The following ROBO2 variants were observed in gnomAD, a reference collection of about 807,000 sequenced individuals.
The protein encoded by ROBO2 is roundabout homolog 2.
ROBO2 carries 53 observed loss-of-function variants against 160.8 expected under a neutral mutation model. The observed-to-expected ratio is 0.33, with a 90% CI of 0.26 to 0.41. The LOEUF (loss-of-function observed/expected upper bound fraction) is 0.41. Ranked by LOEUF, ROBO2 falls within the 10% of genes least tolerant of loss-of-function variation. The pLI is 1.00. For missense variants in ROBO2, 1,577 were observed against 1,722.4 expected, an observed-to-expected ratio of 0.92 and a Z score of 1.49; for synonymous variants, 664 against 611.7, an observed-to-expected ratio of 1.09 and a Z score of -1.26.
intron 4 of ROBO2, among the ~76,000 whole-genome samples, chr3:77,483,428 A>G (rs2084943986): frequency 6.6e-6 from 1 of 152,008 alleles, no homozygotes; most frequent in Non-Finnish European, 1.5e-5. Context: ...GTGCTCCTAC[A>G]TCTAATACAC....
At chr3:76,724,215 T>A (rs929339823) in intron 2 of ROBO2, among the ~76,000 whole-genome samples, 1 of 152,112 alleles carries the variant, frequency 6.6e-6, no homozygotes, top group African/African-American at 2.4e-5. Flanking sequence ...AATCCCAATA[T>A]CCAACACTGC....
chr3:77,091,971 C>T (rs951456554), intron 1 of ROBO2: 1 of 148,528 alleles, frequency 6.7e-6, no homozygotes, highest in Non-Finnish European at 1.5e-5. Context: ...CAGAGTGAGT[C>T]TCTGACTCAA....
chr3:76,416,541 GT>G (rs2075766444), intron 2 of ROBO2, among the ~76,000 whole-genome samples: 1 of 152,148 alleles, frequency 6.6e-6, no homozygotes, highest in African/African-American at 2.4e-5. Flanking sequence ...AGTAGTTAAT[GT>G]GATAAATTAG....
intron 2 of ROBO2, among the ~76,000 whole-genome samples, chr3:76,206,011 C>T (rs1414992268): frequency 6.6e-6 from 1 of 152,112 alleles, no homozygotes; most frequent in Non-Finnish European, 1.5e-5. Flanking sequence ...AAAAGAATGT[C>T]AAAACAAAGA....
intron 2 of ROBO2, among the ~76,000 whole-genome samples, chr3:76,274,101 A>G (rs1707772876): frequency 6.6e-6 from 1 of 152,216 alleles, no homozygotes. Context: ...GAGGTGTTAC[A>G]TATGTTACAA....
intron 2 of ROBO2, among the ~76,000 whole-genome samples, chr3:77,361,809 T>A (rs1470103510): frequency 1.3e-5 from 2 of 152,152 alleles, no homozygotes; most frequent in Non-Finnish European, 2.9e-5. Context: ...GTATTATCTC[T>A]AAAAATGTGT....
chr3:76,520,226 G>A (rs866091928), intron 2 of ROBO2, among the ~76,000 whole-genome samples: 1 of 152,078 alleles, frequency 6.6e-6, no homozygotes, highest in Non-Finnish European at 1.5e-5. Context: ...CGAGGCAGGC[G>A]GATCACCTGA....
chr3:77,511,259 G>A (rs574675395), intron 5 of ROBO2, among the ~76,000 whole-genome samples: 6 of 151,978 alleles, frequency 3.9e-5, no homozygotes, highest in Admixed American at 1.3e-4. Context: ...TGGGAGAGAC[G>A]GGCACTCAGA....
At chr3:77,297,623 G>A in intron 2 of ROBO2, among the ~76,000 whole-genome samples, 1 of 152,136 alleles carries the variant, frequency 6.6e-6, no homozygotes, top group East Asian at 1.9e-4. Context: ...GTTTTCAAAA[G>A]TCAGTCTCTC....
chr3:75,982,373 A>C (rs900435235), intron 2 of ROBO2, among the ~76,000 whole-genome samples: 1 of 151,624 alleles, frequency 6.6e-6, no homozygotes, highest in African/African-American at 2.4e-5. Context: ...TGGTTGTATA[A>C]ATTTACATTC....
At chr3:76,431,536 C>G (rs2076437280) in intron 2 of ROBO2, among the ~76,000 whole-genome samples, 1 of 151,916 alleles carries the variant, frequency 6.6e-6, no homozygotes, top group Non-Finnish European at 1.5e-5. Context: ...GCATTAATGC[C>G]AGTGGATTAA....
At chr3:76,010,257 A>G (rs769289694) in intron 2 of ROBO2, among the ~76,000 whole-genome samples, 1 of 152,236 alleles carries the variant, frequency 6.6e-6, no homozygotes, top group Non-Finnish European at 1.5e-5. Flanking sequence ...TGGCTAGTTT[A>G]AGAAAGACAA....
At chr3:76,739,756 G>A (rs543030168) in intron 2 of ROBO2, among the ~76,000 whole-genome samples, 4 of 152,070 alleles carry the variant, frequency 2.6e-5, no homozygotes, top group African/African-American at 7.2e-5. Context: ...GACTTGACTC[G>A]GAATTTACTG....
chr3:77,082,838 G>A (rs1436691120), intron 1 of ROBO2, among the ~76,000 whole-genome samples: 1 of 151,348 alleles, frequency 6.6e-6, no homozygotes, highest in African/African-American at 2.4e-5. Flanking sequence ...ATCTCACAAG[G>A]AATGTCCAGA....
rs181529200 is a variant in ROBO2, at chr3:76,729,918, G to A, written c.110-368096G>A. ...TTCCCAAAGTGTAGGGATTATGGGCGTGAGCCACTTCGCCCGGCCTACACA... is the reference window on the plus strand; with the variant it reads ...TTCCCAAAGTGTAGGGATTATGGGCATGAGCCACTTCGCCCGGCCTACACA... On this transcript the variant is annotated intron_variant, in intron 2 of 26. Transcript: ENST00000487694. Among the ~76,000 whole-genome samples, 240 of 152,166 alleles carry A rather than the reference G, an allele frequency of 1.6e-3. 1 individual carries two copies. Among genetic ancestry groups the A allele is most frequent in the Admixed American group, 2.6e-3 (40 of 15,274 alleles).
At chr3:76,796,503 A>AGAAAGAAGGAAGGAAGGAAG (rs1560576479) in intron 2 of ROBO2, among the ~76,000 whole-genome samples, 4 of 117,928 alleles carry the variant, frequency 3.4e-5, no homozygotes, top group African/African-American at 1.7e-4. Context: ...AAGGAAGGAA[A>AGAAAGAAGGAAGGAAGGAAG]GAAGGAAAGA....
intron 2 of ROBO2, among the ~76,000 whole-genome samples, chr3:76,052,375 G>A (rs1398431987): frequency 6.6e-6 from 1 of 151,972 alleles, no homozygotes; most frequent in African/African-American, 2.4e-5. Flanking sequence ...AAGTTAATTG[G>A]TGAAACAAAA....
intron 2 of ROBO2, among the ~76,000 whole-genome samples, chr3:77,385,127 T>C (rs1380804693): frequency 1.3e-5 from 2 of 152,196 alleles, no homozygotes; most frequent in Non-Finnish European, 2.9e-5. Context: ...CCTCCGGAGT[T>C]CAAATAATTG....
At chr3:76,192,774 A>G (rs887203918) in intron 2 of ROBO2, among the ~76,000 whole-genome samples, 3 of 152,036 alleles carry the variant, frequency 2.0e-5, no homozygotes, top group Non-Finnish European at 4.4e-5. Context: ...TTTTCATTTT[A>G]TCAAAACAAA....
Sources: allele counts gnomAD v4.1 joint callset (sites outside exome capture counted in the v4.1 genomes callset), GRCh38; gene constraint gnomAD v4.1.1; transcripts MANE v1.5; gene names NCBI Gene and HGNC (gene_info 2026-07-23, HGNC 2026-07-21).